Variants in ANKRD30B observed in about 807,000 individuals in gnomAD.
The protein encoded by ANKRD30B is ankyrin repeat domain-containing protein 30B.
Under a neutral mutation model 202.2 loss-of-function variants are expected in ANKRD30B, and 144 were observed. That is an observed-to-expected ratio of 0.71 (90% CI 0.62 to 0.82). The LOEUF is 0.82. ANKRD30B is among the 40% of genes least tolerant of loss of function. The probability of loss-of-function intolerance (pLI) is 0.00; values close to 1 mark genes in which losing one functional copy is unlikely to be tolerated. For missense variants in ANKRD30B, 1,487 were observed against 1,669.1 expected (o/e 0.89, Z 1.90); for synonymous variants, 508 against 561.3 (o/e 0.91, Z 1.34).
At chr18:14,770,273 G>T (rs1966907870) in intron 8 of ANKRD30B, among the ~76,000 whole-genome samples, 1 of 152,052 alleles carries the variant, frequency 6.6e-6, no homozygotes, top group Non-Finnish European at 1.5e-5. Flanking sequence ...GGATTTTAAG[G>T]ACTCTTGGAG....
chr18:14,766,227 C>G (rs992265114), intron 7 of ANKRD30B, among the ~76,000 whole-genome samples: 1 of 151,764 alleles, frequency 6.6e-6, no homozygotes, highest in African/African-American at 2.4e-5. Context: ...AATCCTAGCA[C>G]TTTGGGAGGC....
chr18:14,766,395 C>T (rs1318115156), intron 7 of ANKRD30B, among the ~76,000 whole-genome samples: 1 of 145,592 alleles, frequency 6.9e-6, no homozygotes, highest in Non-Finnish European at 1.5e-5. Context: ...ATGGCATGAA[C>T]CCAGGAGGTG....
chr18:14,875,830 A>G, the ANKRD30B span, among the ~76,000 whole-genome samples: 2 of 152,150 alleles, frequency 1.3e-5, no homozygotes, highest in Non-Finnish European at 2.9e-5. Flanking sequence ...CGGTGGTACC[A>G]TAGAGACATT....
the ANKRD30B span, among the ~76,000 whole-genome samples, chr18:14,880,656 A>C: frequency 2.8e-5 from 4 of 144,300 alleles, no homozygotes; most frequent in African/African-American, 1.0e-4. Context: ...ACTTCTGCCT[A>C]CTGGGTTCAA....
chr18:14,904,400 T>C, the ANKRD30B span, among the ~76,000 whole-genome samples: 2 of 152,192 alleles, frequency 1.3e-5, no homozygotes, highest in Non-Finnish European at 2.9e-5. Flanking sequence ...GGGCCTGAGC[T>C]AACCTCAGTT....
the ANKRD30B span, among the ~76,000 whole-genome samples, chr18:14,899,809 T>C: frequency 6.6e-6 from 1 of 152,148 alleles, no homozygotes; most frequent in African/African-American, 2.4e-5. Context: ...ATAACTTATA[T>C]TTAACTCATT....
the ANKRD30B span, among the ~76,000 whole-genome samples, chr18:14,862,526 C>A: frequency 2.6e-5 from 4 of 152,172 alleles, no homozygotes; most frequent in Non-Finnish European, 5.9e-5. Flanking sequence ...TGGATAAATT[C>A]CTGGAAACAC....
At chr18:14,880,139 T>C in the ANKRD30B span, among the ~76,000 whole-genome samples, 1 of 152,096 alleles carries the variant, frequency 6.6e-6, no homozygotes, top group Non-Finnish European at 1.5e-5. Context: ...GAAAAGGGTG[T>C]CCTTTCCCCA....
intron 12 of ANKRD30B, among the ~76,000 whole-genome samples, 174 bp downstream of exon 12, chr18:14,782,788 AG>A (rs1967838063): frequency 6.6e-6 from 1 of 152,176 alleles, no homozygotes; most frequent in African/African-American, 2.4e-5. Flanking sequence ...AGGAATATAT[AG>A]AGAGTGCAAG....
intron 14 of ANKRD30B, among the ~76,000 whole-genome samples, chr18:14,784,963 G>A (rs1967989384): frequency 6.6e-6 from 1 of 152,046 alleles, no homozygotes; most frequent in African/African-American, 2.4e-5. Flanking sequence ...GTCACTTTGG[G>A]AATCTTAAGA....
At chr18:14,937,189 C>G in the ANKRD30B span, among the ~76,000 whole-genome samples, 1 of 152,194 alleles carries the variant, frequency 6.6e-6, no homozygotes, top group South Asian at 2.1e-4. Context: ...CCTCCTTCAG[C>G]ACTTTGGTCA....
At chr18:14,936,038 T>C in the ANKRD30B span, among the ~76,000 whole-genome samples, 1 of 152,252 alleles carries the variant, frequency 6.6e-6, no homozygotes, top group Admixed American at 6.5e-5. Context: ...CTAAAGCAGC[T>C]GGCAAAGCCT....
At chr18:14,869,770 A>G in the ANKRD30B span, among the ~76,000 whole-genome samples, 120 of 151,992 alleles carry the variant, frequency 7.9e-4, no homozygotes, top group African/African-American at 2.7e-3. Context: ...TGCTTTGTGC[A>G]TTAGTATTGG....
intron 24 of ANKRD30B, among the ~76,000 whole-genome samples, chr18:14,806,766 T>G (rs2144032466): frequency 6.7e-6 from 1 of 149,424 alleles, no homozygotes; most frequent in Non-Finnish European, 1.5e-5. Context: ...AAGGAAAATA[T>G]TTTGGTTACA....
the ANKRD30B span, among the ~76,000 whole-genome samples, chr18:14,895,662 C>T: frequency 0.02 from 2,976 of 152,262 alleles, 43 homozygotes; most frequent in Non-Finnish European, 0.029. Flanking sequence ...CTATGGTACA[C>T]GTATACATTG....
intron 39 of ANKRD30B, among the ~76,000 whole-genome samples, chr18:14,847,050 T>TTTTATATATAAATA (rs1555672629): frequency 9.0e-6 from 1 of 111,110 alleles, no homozygotes; most frequent in African/African-American, 3.2e-5. Context: ...TGATTTAGTT[T>TTTTATATATAAATA]TATATATATA....
At chr18:14,791,631 T>G in intron 16 of ANKRD30B, 140 bp downstream of exon 16, 2 of 644,466 alleles carry the variant, frequency 3.1e-6, no homozygotes, top group Non-Finnish European at 5.3e-6. Context: ...CGGTGATAAG[T>G]TATACGTCTT....
the ANKRD30B span, among the ~76,000 whole-genome samples, chr18:14,868,100 C>A: frequency 1.2e-4 from 19 of 152,198 alleles, no homozygotes; most frequent in Non-Finnish European, 2.9e-5. Context: ...GTGGTAGGAG[C>A]CTTGGAGGGT....
the ANKRD30B span, among the ~76,000 whole-genome samples, chr18:14,864,133 G>A: frequency 4.6e-5 from 7 of 152,056 alleles, no homozygotes; most frequent in African/African-American, 1.4e-4. Context: ...AACAGAGGTC[G>A]GGACCAGCCT....
Sources: gnomAD v4.1 joint callset for allele counts (sites outside exome capture counted in the v4.1 genomes callset) on GRCh38, gnomAD v4.1.1 for gene constraint, MANE v1.5 for transcripts, NCBI Gene and HGNC (gene_info 2026-07-23, HGNC 2026-07-21) for gene names.